The following GALNT7 variants were observed in gnomAD, a reference collection of about 807,000 sequenced individuals.
GALNT7 encodes the protein polypeptide N-acetylgalactosaminyltransferase 7.
In GALNT7, 60 loss-of-function variants were observed where a neutral mutation model predicts 82.1. The ratio of observed to expected loss-of-function variants is 0.73; its 90% CI spans 0.59 to 0.91. The LOEUF is 0.91. GALNT7 is among the 40% of genes least tolerant of loss of function. The pLI is 0.00. For missense variants in GALNT7, 660 were observed against 804.2 expected (o/e 0.82, Z 2.17); for synonymous variants, 243 against 275.1 (o/e 0.88, Z 1.15).
rs547093853 is a variant in GALNT7, at chr4:173,240,643, A to G, written c.127-7337A>G. Among the ~76,000 whole-genome samples, 7 of 152,316 alleles carry G rather than the reference A, an allele frequency of 4.6e-5. No individual in the cohort carries two copies. The South Asian group carries it at 1.5e-3, about 32-fold the overall frequency. ...CTTGGCCTCCCAAAGTGCTGAGATT[A>G]TAGGCATGAGCCACCGTGCCCAGCC... is the stretch of plus-strand genomic sequence containing the variant. On this transcript the variant is annotated intron_variant, in intron 1 of 11. Transcript: ENST00000265000.
chr4:173,256,532 G>GCCCTCCCTCTCTCCCT (rs1255652558), intron 2 of GALNT7, among the ~76,000 whole-genome samples: 232 of 150,504 alleles, frequency 1.5e-3, no homozygotes, highest in African/African-American at 5.5e-3. Context: ...AAGTCCTATT[G>GCCCTCCCTCTCTCCCT]CCCTCCCTCT....
chr4:173,314,323 C>A, intron 9 of GALNT7, 147 bp downstream of exon 9: 1 of 637,188 alleles, frequency 1.6e-6, no homozygotes, highest in Non-Finnish European at 2.8e-6. Flanking sequence ...TTCCACTAAA[C>A]AGCTATAGCT....
chr4:173,173,087 A>G (rs2126615809), intron 1 of GALNT7, among the ~76,000 whole-genome samples: 1 of 152,322 alleles, frequency 6.6e-6, no homozygotes, highest in Non-Finnish European at 1.5e-5. Context: ...AATTGATTCA[A>G]GAGCTCCTAA....
At chr4:173,277,469 C>T (rs1341425700) in intron 2 of GALNT7, among the ~76,000 whole-genome samples, 1 of 152,178 alleles carries the variant, frequency 6.6e-6, no homozygotes, top group Non-Finnish European at 1.5e-5. Context: ...GTTCCAGAAG[C>T]TCAGAGTTTG....
chr4:173,193,592 T>TG (rs1158618221), intron 1 of GALNT7, among the ~76,000 whole-genome samples: 2 of 152,220 alleles, frequency 1.3e-5, no homozygotes, highest in African/African-American at 4.8e-5. Flanking sequence ...AGCTTTTTGT[T>TG]GATCTTTTTT....
At chr4:173,304,236 C>A in intron 8 of GALNT7, 118 bp downstream of exon 8, 1 of 749,776 alleles carries the variant, frequency 1.3e-6, no homozygotes, top group South Asian at 2.0e-5. Flanking sequence ...CATGTTGATT[C>A]TCACCTTTAA....
rs1428475904 is a variant in GALNT7 at position 173,310,490 on chromosome 4, C to T, written c.1390-3468C>T. Among the ~76,000 whole-genome samples the T allele has an allele frequency of 4.6e-5, 7 of 152,122 alleles. No homozygotes were observed. The South Asian group carries it at 6.2e-4, about 14-fold the overall frequency. On this transcript the variant is annotated intron_variant, in intron 8 of 11. Coordinates refer to ENST00000265000, the MANE Select transcript of GALNT7 (RefSeq NM_017423.3). ...CTTCAGTCTACCCTCCACTCACTAC[C>T]GGTGTCATTGATCTGAAAATTAAAT...
chr4:173,215,232 C>CTTT (rs571862059), intron 1 of GALNT7, among the ~76,000 whole-genome samples: 40 of 139,882 alleles, frequency 2.9e-4, no homozygotes, highest in African/African-American at 9.1e-4. Flanking sequence ...TCTTCTTCTT[C>CTTT]TTTTTTTTTT....
At chr4:173,242,543 T>G (rs1444037740) in intron 1 of GALNT7, among the ~76,000 whole-genome samples, 1 of 152,212 alleles carries the variant, frequency 6.6e-6, no homozygotes, top group Non-Finnish European at 1.5e-5. Context: ...TTTTAAGCCC[T>G]GATTAAGCAC....
chr4:173,297,944 A>C, intron 5 of GALNT7, 171 bp from the exon 6 acceptor site: 6 of 1,479,142 alleles, frequency 4.1e-6, no homozygotes, highest in Non-Finnish European at 5.3e-6. Context: ...CACAAGGAAA[A>C]GGCCAAAAGA....
intron 1 of GALNT7, among the ~76,000 whole-genome samples, chr4:173,215,376 G>T (rs1239534787): frequency 6.6e-6 from 1 of 152,030 alleles, no homozygotes; most frequent in South Asian, 2.1e-4. Context: ...GATTACAGGC[G>T]TGTGCCACCA....
intron 8 of GALNT7, among the ~76,000 whole-genome samples, chr4:173,309,899 T>C (rs963856701): frequency 6.6e-6 from 1 of 152,292 alleles, no homozygotes; most frequent in Middle Eastern, 3.4e-3. Flanking sequence ...TCACGAAGAA[T>C]TGATGAAAAG....
In GALNT7 at chr4:173,272,184, GA is replaced by G. The variant is rs550206899; in HGVS notation, c.588-19922del. 1.6e-4 allele frequency among the ~76,000 whole-genome samples: 25 copies of G among 152,238 alleles called. No homozygotes were observed. The East Asian group carries it at 4.2e-3, about 26-fold the overall frequency. ...TCCCTCACTGCTTCCACTTCATACA[GA>G]ATATATTTGTTTTGCCCTTTTCCAT... On this transcript the variant is annotated intron_variant, in intron 2 of 11. Transcript: ENST00000265000.
At chr4:173,273,638 T>C (rs1315306728) in intron 2 of GALNT7, among the ~76,000 whole-genome samples, 1 of 152,214 alleles carries the variant, frequency 6.6e-6, no homozygotes, top group Non-Finnish European at 1.5e-5. Context: ...GGTGCGTTCA[T>C]AGTGTGCTCA....
intron 3 of GALNT7, among the ~76,000 whole-genome samples, chr4:173,293,495 G>A (rs951890678): frequency 5.3e-5 from 8 of 152,094 alleles, no homozygotes; most frequent in Non-Finnish European, 1.2e-4. Context: ...TGATAATTTG[G>A]TGTGTACTTT....
At chr4:173,317,339 A>G in intron 9 of GALNT7, 1 of 250,040 alleles carries the variant, frequency 4.0e-6, no homozygotes, top group Non-Finnish European at 7.8e-6. Flanking sequence ...ATTCACATGA[A>G]TTACTGTGAT....
chr4:173,254,922 T>C (rs1579958818), intron 2 of GALNT7, among the ~76,000 whole-genome samples: 2 of 152,344 alleles, frequency 1.3e-5, no homozygotes, highest in African/African-American at 4.8e-5. Context: ...AATAAGTCCT[T>C]GTGTTCTGAT....
chr4:173,274,756 A>G (rs1735840940), intron 2 of GALNT7, among the ~76,000 whole-genome samples: 1 of 152,188 alleles, frequency 6.6e-6, no homozygotes, highest in Non-Finnish European at 1.5e-5. Context: ...CTAATAGCAA[A>G]ATCACCATTT....
intron 8 of GALNT7, among the ~76,000 whole-genome samples, chr4:173,304,369 C>G (rs1035222281): frequency 6.6e-6 from 1 of 151,820 alleles, no homozygotes; most frequent in African/African-American, 2.4e-5. Context: ...ACTGCACTCC[C>G]CGCTGGATGA....
Sources: gnomAD v4.1 joint callset for allele counts (sites outside exome capture counted in the v4.1 genomes callset) on GRCh38, gnomAD v4.1.1 for gene constraint, MANE v1.5 for transcripts, NCBI Gene and HGNC (gene_info 2026-07-23, HGNC 2026-07-21) for gene names.